ATG7: variants seen among roughly 807,000 people sequenced by gnomAD.
ATG7 encodes ubiquitin-like modifier-activating enzyme ATG7.
In ATG7, 70 loss-of-function variants were observed where a neutral mutation model predicts 82.4. The ratio of observed to expected loss-of-function variants is 0.85; its 90% CI spans 0.70 to 1.04. ATG7 has a LOEUF of 1.04. Ranked by LOEUF, ATG7 falls within the 50% of genes least tolerant of loss-of-function variation. The pLI is 0.00. For synonymous variants in ATG7, 287 were observed against 313.0 expected (o/e 0.92, Z 0.88); for missense variants, 792 against 864.3 (o/e 0.92, Z 1.05).
At chr3:11,525,364 T>A (rs1227055103) in intron 20 of ATG7, among the ~76,000 whole-genome samples, 1 of 151,154 alleles carries the variant, frequency 6.6e-6, no homozygotes, top group Non-Finnish European at 1.5e-5. Flanking sequence ...TATTTAACTA[T>A]TCCTTGAAAA....
At chr3:11,484,672 G>T (rs1486949393) in intron 20 of ATG7, among the ~76,000 whole-genome samples, 1 of 152,122 alleles carries the variant, frequency 6.6e-6, no homozygotes, top group East Asian at 1.9e-4. Context: ...TCAGCATTAG[G>T]TATATCTCCT....
chr3:11,435,347 T>C (rs1304531969), intron 20 of ATG7, among the ~76,000 whole-genome samples: 1 of 152,146 alleles, frequency 6.6e-6, no homozygotes, highest in African/African-American at 2.4e-5. Context: ...TTCACCAGAC[T>C]CGGTGCCACT....
chr3:11,431,632 A>G (rs1238064438), intron 20 of ATG7, among the ~76,000 whole-genome samples: 1 of 152,220 alleles, frequency 6.6e-6, no homozygotes, highest in Non-Finnish European at 1.5e-5. Context: ...GACACATCAC[A>G]TAAATGATCC....
chr3:11,281,068 G>T lies in ATG7; in HGVS notation c.-291G>T, dbSNP rs895252030. 6.6e-6 allele frequency: 1 copy of T among 152,198 alleles called. No individual in the cohort carries two copies. The highest frequency in any genetic ancestry group is 1.5e-5 in the Non-Finnish European group (1 of 68,046). 9.4% of individuals were successfully genotyped at this position (152,198 alleles called of 1,614,324 possible). ...CTTGTGAGAGACATTTCTGAGACCT[G>T]TATGTCCTGCGTCTATGATTCTTCC... On this transcript the variant is annotated 5_prime_UTR_variant, in exon 2 of 21. Coordinates refer to ENST00000693202, the MANE Select transcript of ATG7 (RefSeq NM_001349232.2).
At chr3:11,335,895 C>T (rs536600398) in intron 11 of ATG7, among the ~76,000 whole-genome samples, 5 of 152,186 alleles carry the variant, frequency 3.3e-5, no homozygotes, top group Admixed American at 3.3e-4. Context: ...GTCGGGGTTT[C>T]ACTGTGTTGG....
At chr3:11,308,199 A>T (rs1948070900) in intron 6 of ATG7, among the ~76,000 whole-genome samples, 1 of 152,060 alleles carries the variant, frequency 6.6e-6, no homozygotes, top group South Asian at 2.1e-4. Context: ...TCTTCCACCC[A>T]CACTTAGGGA....
chr3:11,391,354 C>T (rs1029981325), intron 19 of ATG7, among the ~76,000 whole-genome samples: 2 of 152,128 alleles, frequency 1.3e-5, no homozygotes, highest in African/African-American at 4.8e-5. Context: ...GGAGCATGCA[C>T]TGATGGGGAA....
Position 11,556,921 on chromosome 3 carries a change from C to T in ATG7, c.*2078C>T, listed in dbSNP as rs2072477609. On this transcript the variant is annotated 3_prime_UTR_variant, in exon 21 of 21. Coordinates refer to ENST00000693202, the MANE Select transcript of ATG7 (RefSeq NM_001349232.2). ...CCTCCACTTTTCAAAGGCCTGCAGC[C>T]ACTCTGTGACTACAAGAGCCAGTCC... The T allele has an allele frequency of 6.5e-6, 1 of 152,754 alleles. No homozygotes were observed. Among genetic ancestry groups the T allele is most frequent in the South Asian group, 2.1e-4 (1 of 4,832 alleles). 9.5% of individuals were successfully genotyped at this position (152,754 alleles called of 1,614,324 possible). A position where few individuals can be genotyped will look rare whatever the true frequency, so the allele number is the denominator to read the frequency against.
At chr3:11,560,506 T>C (rs928342554), downstream of ATG7, among the ~76,000 whole-genome samples, 2 of 152,160 alleles carry the variant, frequency 1.3e-5, no homozygotes, top group Non-Finnish European at 2.9e-5. Context: ...CCATTAAAGT[T>C]AGAGCAGTAG....
At chr3:11,331,449 T>TTGTC (rs775367722) in intron 10 of ATG7, 21 bp downstream of exon 10, 10 of 1,538,454 alleles carry the variant, frequency 6.5e-6, no homozygotes, top group Non-Finnish European at 9.0e-6. Context: ...GAGTGTGTGT[T>TTGTC]TGTCTGTCTG....
At chr3:11,447,543 G>A (rs2084691349) in intron 20 of ATG7, among the ~76,000 whole-genome samples, 1 of 151,982 alleles carries the variant, frequency 6.6e-6, no homozygotes, top group African/African-American at 2.4e-5. Context: ...GACTCTAGAT[G>A]GGGGCATTTA....
In ATG7 at chr3:11,370,327, C is replaced by A. The variant is rs189968501; in HGVS notation, c.1875+5593C>A. The stretch of plus-strand genomic sequence containing the variant: ...ATGTCCAGCTTAGTTTTTCTGCCCC[C>A]TTGGTGACTCTAGCTTAATAGCGAG... On this transcript the variant is annotated intron_variant, in intron 18 of 20. Coordinates refer to ENST00000693202, the MANE Select transcript of ATG7 (RefSeq NM_001349232.2). 3.3e-3 allele frequency among the ~76,000 whole-genome samples: 492 copies of A among 151,002 alleles called. 23 individuals are homozygous for A. Among genetic ancestry groups the A allele is most frequent in the African/African-American group, 0.012 (473 of 40,956 alleles).
At chr3:11,545,117 C>A (rs973379872) in intron 20 of ATG7, among the ~76,000 whole-genome samples, 1 of 152,048 alleles carries the variant, frequency 6.6e-6, no homozygotes, top group African/African-American at 2.4e-5. Context: ...CAGGAGGCTG[C>A]GGCCGCTGGA....
intron 20 of ATG7, among the ~76,000 whole-genome samples, chr3:11,550,070 TTTA>T (rs762588147): frequency 2.0e-5 from 3 of 152,228 alleles, no homozygotes; most frequent in East Asian, 3.8e-4. Flanking sequence ...TTTTTGTCTC[TTTA>T]TTATTAAGTT....
chr3:11,297,179 G>A (rs1302161285), intron 3 of ATG7, among the ~76,000 whole-genome samples: 3 of 152,056 alleles, frequency 2.0e-5, no homozygotes, highest in Non-Finnish European at 4.4e-5. Context: ...GACATGACAA[G>A]ACCTGGTTTC....
In ATG7 at chr3:11,298,847, A is replaced by C. The variant is rs749544249; in HGVS notation, c.152A>C (p.Tyr51Ser). 38 of 1,614,036 alleles carry C rather than the reference A, an allele frequency of 2.4e-5. No individual in the cohort carries two copies. Among genetic ancestry groups the C allele is most frequent in the Non-Finnish European group, 3.0e-5 (35 of 1,180,010 alleles). The stretch of plus-strand genomic sequence containing the variant: ...GCTCCCAAGGACATTAAGGGTTATT[A>C]CTACAATGGTAGGTGATTGTAAATT... ...DEAPKDIKGY[Y>S]YNGDSAGLPA... is the part of the protein sequence containing the mutation. The change falls in exon 4 of 21, where the codon TAC (tyrosine) becomes TCC (serine). Residue 51 changes from tyrosine to serine, a missense_variant. Coordinates refer to ENST00000693202, the MANE Select transcript of ATG7 (RefSeq NM_001349232.2).
chr3:11,448,368 TCTG>T (rs150196298), intron 20 of ATG7, among the ~76,000 whole-genome samples: 3,682 of 152,266 alleles, frequency 0.024, 109 homozygotes, highest in African/African-American at 0.07. Context: ...TCTGGCTGCT[TCTG>T]CTCACCCAGG....
chr3:11,527,071 G>A (rs6781188), intron 20 of ATG7, among the ~76,000 whole-genome samples: 63,380 of 126,374 alleles, frequency 0.5, 15,877 homozygotes, highest in Non-Finnish European at 0.57. Context: ...GTGTGTGTGT[G>A]TATATATATA....
chr3:11,307,453 C>T (rs899638323), intron 6 of ATG7, among the ~76,000 whole-genome samples: 1 of 152,166 alleles, frequency 6.6e-6, no homozygotes, highest in Non-Finnish European at 1.5e-5. Flanking sequence ...TGCACCATGG[C>T]GGTAGAGGAG....
Sources: gnomAD v4.1 joint callset for allele counts (sites outside exome capture counted in the v4.1 genomes callset) on GRCh38, gnomAD v4.1.1 for gene constraint, MANE v1.5 for transcripts, NCBI Gene and HGNC (gene_info 2026-07-23, HGNC 2026-07-21) for gene names.